Variants in ANGEL2 observed in about 807,000 individuals in gnomAD.
ANGEL2 encodes RNA 2',3'-cyclic phosphatase ANGEL2.
In ANGEL2, 41 loss-of-function variants were observed where a neutral mutation model predicts 66.0. The ratio of observed to expected loss-of-function variants is 0.62; its 90% CI spans 0.48 to 0.81. The LOEUF is 0.81. ANGEL2 is among the 30% of genes least tolerant of loss of function. The pLI is 0.00. For missense variants in ANGEL2, 561 were observed against 641.6 expected (o/e 0.87, Z 1.36); for synonymous variants, 208 against 226.5 (o/e 0.92, Z 0.73).
chr1:213,000,693 CCT>C lies in ANGEL2; in HGVS notation c.1261+91_1261+92del, dbSNP rs1215976232. On this transcript the variant is annotated intron_variant, in intron 6 of 8. Coordinates refer to ENST00000366962, the MANE Select transcript of ANGEL2 (RefSeq NM_144567.5). ...ATATTTATATATATGAATATTCATC[CCT>C]GAGATTTTTTCTTTTTAAAAACTTA... is the stretch of plus-strand genomic sequence containing the variant. The C allele has an allele frequency of 9.6e-6, 13 of 1,347,404 alleles. No homozygotes were observed. The African/African-American group carries it at 1.2e-4, about 12-fold the overall frequency. The allele number at this position is 1,347,404 out of a possible 1,614,324, so 83.5% of individuals were successfully genotyped here.
At chr1:213,001,061 ATCT>A (rs953452107) in intron 5 of ANGEL2, 149 bp from the exon 6 acceptor site, 27 of 703,342 alleles carry the variant, frequency 3.8e-5, no homozygotes, top group African/African-American at 1.5e-4. Context: ...GACTTATAAA[ATCT>A]TCTTTTCTTT....
Position 213,013,792 on chromosome 1 carries a change from T to C in ANGEL2, c.60-374A>G, listed in dbSNP as rs565165437. On this transcript the variant is annotated intron_variant, in intron 1 of 8. Transcript: ENST00000366962. Reference sequence around the variant, plus strand: ...AAAATAAAATACACAACAAGTATTATACTGAAATCGAATAAGGAACTCATA... The same window carrying C: ...AAAATAAAATACACAACAAGTATTACACTGAAATCGAATAAGGAACTCATA... Among the ~76,000 whole-genome samples the C allele has an allele frequency of 9.5e-4, 145 of 152,320 alleles. 1 individual carries two copies. Among genetic ancestry groups the C allele is most frequent in the Admixed American group, 2.0e-3 (31 of 15,306 alleles).
At chr1:213,007,106 A>AG (rs776473788) in intron 4 of ANGEL2, 23 bp downstream of exon 4, 45 of 1,606,768 alleles carry the variant, frequency 2.8e-5, no homozygotes, top group Non-Finnish European at 3.7e-5. Flanking sequence ...AAAGAAAAAA[A>AG]AAAAAAAAAA....
chr1:213,001,345 G>A (rs901081010), intron 5 of ANGEL2: 12 of 190,278 alleles, frequency 6.3e-5, no homozygotes, highest in African/African-American at 1.2e-4. Flanking sequence ...TGTAAGTTGC[G>A]TTTATACTAT....
intron 8 of ANGEL2, 27 bp downstream of exon 8, chr1:212,997,128 G>C: frequency 6.2e-7 from 1 of 1,600,998 alleles, no homozygotes; most frequent in Non-Finnish European, 8.5e-7. Context: ...CTCTCTAGGA[G>C]AATTTAAGAT....
At position 212,996,622 on chromosome 1, in the gene ANGEL2, CCAAAA is replaced by C. The variant is rs1410001205; in HGVS notation, c.1483+528_1483+532del. Among the ~76,000 whole-genome samples, 136 of 22,694 alleles carry C rather than the reference CCAAAA, an allele frequency of 6.0e-3. 11 individuals carry two copies. Among genetic ancestry groups the C allele is most frequent in the South Asian group, 0.019 (5 of 266 alleles). The allele number at this position is 22,694 out of a possible 152,430, so 14.9% of individuals were successfully genotyped here. On this transcript the variant is annotated intron_variant, in intron 8 of 8. Transcript: ENST00000366962. ...TGGGTAACAGAGCGAGACTCTGTAT[CCAAAA>C]AAAAAAAAAAAAAATATATATATAT... is the stretch of plus-strand genomic sequence containing the variant.
chr1:213,006,670 G>A (rs2076338158), intron 4 of ANGEL2: 1 of 155,538 alleles, frequency 6.4e-6, no homozygotes, highest in South Asian at 2.0e-4. Flanking sequence ...AAGCTTATAG[G>A]TCTACAGGTG....
intron 2 of ANGEL2, 96 bp downstream of exon 2, chr1:213,012,996 TC>T: frequency 7.9e-7 from 1 of 1,269,030 alleles, no homozygotes; most frequent in Admixed American, 2.5e-5. Flanking sequence ...ACCAAACACC[TC>T]TAAAACCTTA....
At chr1:213,002,669 A>G (rs1035429621) in intron 5 of ANGEL2, among the ~76,000 whole-genome samples, 2 of 152,120 alleles carry the variant, frequency 1.3e-5, no homozygotes, top group African/African-American at 2.4e-5. Flanking sequence ...TGTAATCCCA[A>G]CACTTTGAGG....
chr1:213,015,142 CACTA>C, intron 1 of ANGEL2: 1 of 997,606 alleles, frequency 1.0e-6, no homozygotes, highest in Non-Finnish European at 1.2e-6. Flanking sequence ...GTTTGAAAGA[CACTA>C]ACACATCAAC....
intron 2 of ANGEL2, among the ~76,000 whole-genome samples, chr1:213,012,301 C>T (rs1231890310): frequency 6.6e-6 from 1 of 151,932 alleles, no homozygotes; most frequent in African/African-American, 2.4e-5. Context: ...AAGTTATCTT[C>T]AGAGGAATTA....
rs571912697 is a variant in ANGEL2 at position 213,015,860 on chromosome 1, C to T, written c.-189G>A. 1 of 657,856 alleles carries T rather than the reference C, an allele frequency of 1.5e-6. No homozygotes were observed. Among genetic ancestry groups the T allele is most frequent in the South Asian group, 2.0e-5 (1 of 50,470 alleles). 40.8% of individuals were successfully genotyped at this position (657,856 alleles called of 1,614,324 possible). ...ACACTCCATCTTGCGCAGTCAGAGT[C>T]CCTGAATGCCTTAACCCGGAATTCT... is the stretch of plus-strand genomic sequence containing the variant. On this transcript the variant is annotated 5_prime_UTR_variant, in exon 1 of 9. Coordinates refer to ENST00000366962, the MANE Select transcript of ANGEL2 (RefSeq NM_144567.5).
rs778749250 is a variant in ANGEL2 at position 213,008,418 on chromosome 1, T to C, written c.434A>G (p.Lys145Arg). 4 of 1,614,122 alleles carry C rather than the reference T, an allele frequency of 2.5e-6. No individual in the cohort carries two copies. In the South Asian group the frequency reaches 4.4e-5, roughly 18 times the overall value. ...ATTTTTGTCTCCTAGGATCTTCGTT[T>C]TTTCTTTATCATGGCTACATATATA... ...WEYICSHDKE[K>R]TKILGDKNVD... Residue 145 changes from lysine to arginine, a missense_variant, in exon 3 of 9, where the codon AAA becomes AGA. Coordinates refer to ENST00000366962, the MANE Select transcript of ANGEL2 (RefSeq NM_144567.5).
At chr1:213,007,230 A>T in intron 3 of ANGEL2, 32 bp from the exon 4 acceptor site, 1 of 1,453,356 alleles carries the variant, frequency 6.9e-7, no homozygotes, top group Non-Finnish European at 9.2e-7. Flanking sequence ...GAATTAGAAC[A>T]CAGAGATGCA....
intron 7 of ANGEL2, among the ~76,000 whole-genome samples, chr1:212,998,616 G>A (rs1182968487): frequency 7.7e-4 from 113 of 146,586 alleles, no homozygotes; most frequent in Middle Eastern, 7.1e-3. Flanking sequence ...CCACCTCCCA[G>A]GTTCACACCA....
rs149163781 is a variant in ANGEL2 at position 212,998,116 on chromosome 1, C to T, written c.1320-798G>A. The stretch of plus-strand genomic sequence containing the variant: ...ATATTAAACATAAAATAGGGCCGGA[C>T]GCGGTGGCTCACACCTGTAATCCCA... On this transcript the variant is annotated intron_variant, in intron 7 of 8. Coordinates refer to ENST00000366962, the MANE Select transcript of ANGEL2 (RefSeq NM_144567.5). 4.0e-3 allele frequency among the ~76,000 whole-genome samples: 600 copies of T among 151,884 alleles called. 5 individuals are homozygous for T. Among genetic ancestry groups the T allele is most frequent in the African/African-American group, 0.013 (553 of 41,386 alleles).
Position 213,013,250 on chromosome 1 carries a change from T to C in ANGEL2, c.228A>G (p.Leu76=), listed in dbSNP as rs1572159869. 6.2e-7 allele frequency: 1 copy of C among 1,614,124 alleles called. No homozygotes were observed. The highest frequency in any genetic ancestry group is 2.2e-5 in the East Asian group (1 of 44,876). The change falls in exon 2 of 9, where the codon CTA becomes CTG. Residue 76 remains leucine, a synonymous_variant. Transcript: ENST00000366962. ...CAAACAAACAGGGTGGTCTCCAATT[T>C]AGTGAAAAATGCCTACTACTGAAGT... The part of the protein sequence containing the change: ...YPYFSSRHFS[L]NWRPPCLFES...
chr1:212,994,882 T>A lies in ANGEL2; in HGVS notation c.*159A>T. On this transcript the variant is annotated 3_prime_UTR_variant, in exon 9 of 9. Transcript: ENST00000366962. ...TTTTCATTATTAAAAAAAATTGTTATAAAGTTATTTCTTCTGATATGGAGT... is the reference window on the plus strand; with the variant it reads ...TTTTCATTATTAAAAAAAATTGTTAAAAAGTTATTTCTTCTGATATGGAGT... The A allele has an allele frequency of 1.8e-6, 1 of 545,218 alleles. No individual in the cohort carries two copies. The highest frequency in any genetic ancestry group is 2.0e-5 in the African/African-American group (1 of 51,110). The allele number at this position is 545,218 out of a possible 1,614,324, so 33.8% of individuals were successfully genotyped here.
intron 5 of ANGEL2, among the ~76,000 whole-genome samples, chr1:213,003,475 G>A (rs542700318): frequency 1.2e-4 from 18 of 152,246 alleles, no homozygotes; most frequent in Admixed American, 5.9e-4. Context: ...CTTAGAGAGC[G>A]CTGCAGGGCT....
Sources: allele counts gnomAD v4.1 joint callset (sites outside exome capture counted in the v4.1 genomes callset), GRCh38; gene constraint gnomAD v4.1.1; transcripts MANE v1.5; gene names NCBI Gene and HGNC (gene_info 2026-07-23, HGNC 2026-07-21).